Variants in MLLT10 observed in about 807,000 individuals in gnomAD.
MLLT10 encodes the protein protein AF-10.
In MLLT10, 30 loss-of-function variants were observed where a neutral mutation model predicts 129.1. The observed-to-expected ratio is 0.23, with a 90% CI of 0.17 to 0.32. The LOEUF is 0.32. Ranked by LOEUF, MLLT10 falls within the 10% of genes least tolerant of loss-of-function variation. MLLT10 has a pLI of 1.00. For missense variants in MLLT10, 1,119 were observed against 1,268.3 expected, an observed-to-expected ratio of 0.88 and a Z score of 1.79; for synonymous variants, 490 against 446.4, an observed-to-expected ratio of 1.10 and a Z score of -1.23.
At chr10:21,608,404 T>C (rs1022393633) in intron 5 of MLLT10, among the ~76,000 whole-genome samples, 2 of 152,082 alleles carry the variant, frequency 1.3e-5, no homozygotes, top group Admixed American at 6.6e-5. Context: ...GTTGAACTCC[T>C]GGGCTCAAGC....
intron 3 of MLLT10, among the ~76,000 whole-genome samples, chr10:21,556,123 G>A (rs1175768583): frequency 2.0e-5 from 3 of 151,856 alleles, no homozygotes; most frequent in Admixed American, 6.6e-5. Context: ...CTACAGGCAT[G>A]CGCCACCACA....
At chr10:21,663,878 C>G (rs1365679890) in intron 9 of MLLT10, among the ~76,000 whole-genome samples, 1 of 152,068 alleles carries the variant, frequency 6.6e-6, no homozygotes, top group East Asian at 1.9e-4. Context: ...GCAGTTTGCC[C>G]TGTGACCTCT....
intron 9 of MLLT10, among the ~76,000 whole-genome samples, chr10:21,660,162 TTC>T (rs2050020824): frequency 6.6e-6 from 1 of 151,758 alleles, no homozygotes; most frequent in Admixed American, 6.6e-5. Context: ...AGAGATAAGT[TTC>T]GCATGTTGCC....
intron 8 of MLLT10, among the ~76,000 whole-genome samples, chr10:21,617,467 C>T (rs2045375165): frequency 1.3e-5 from 2 of 152,130 alleles, no homozygotes; most frequent in African/African-American, 4.8e-5. Context: ...TTACTGTGGT[C>T]ATCTTGCGAA....
intron 5 of MLLT10, among the ~76,000 whole-genome samples, chr10:21,609,453 G>C (rs1191259964): frequency 6.6e-6 from 1 of 152,170 alleles, no homozygotes; most frequent in Non-Finnish European, 1.5e-5. Flanking sequence ...TTGTACTGTA[G>C]CCCCCTGAGC....
rs1384572393 is a variant in MLLT10 at position 21,740,228 on chromosome 10, A to C, written c.3154A>C (p.Lys1052Gln). Residue 1052 changes from lysine (K) to glutamine (Q), a missense_variant, in exon 22 of 23, where the codon AAA becomes CAA. By Grantham distance (53) the Lys-to-Gln change is moderately conservative (BLOSUM62 1). This residue lies in a region of MLLT10 where 1,004 missense variants were observed against 1,008.7 expected (regional missense o/e 1.00). Coordinates refer to ENST00000307729, the MANE Select transcript of MLLT10 (RefSeq NM_001195626.3). ...CATCCATGGAGATAATGCAAGTCAG[A>C]AAGTAGCAGTAAGTATATTTTCCTT... ...LTIHGDNASQ[K>Q]VARLSDKTGP... The C allele has an allele frequency of 1.2e-6, 2 of 1,613,904 alleles. No individual in the cohort carries two copies. The highest frequency in any genetic ancestry group is 2.7e-5 in the African/African-American group (2 of 74,926).
intron 3 of MLLT10, 21 bp downstream of exon 3, chr10:21,538,933 A>G (rs1045568425): frequency 1.3e-6 from 2 of 1,580,070 alleles, no homozygotes; most frequent in African/African-American, 1.3e-5. Context: ...TTTATCAAAA[A>G]CATTAAACTT....
chr10:21,590,896 T>TA (rs774703918), intron 4 of MLLT10, among the ~76,000 whole-genome samples: 1 of 152,200 alleles, frequency 6.6e-6, no homozygotes, highest in Non-Finnish European at 1.5e-5. Flanking sequence ...TCCTAGTACT[T>TA]ACTATGTGTT....
intron 3 of MLLT10, among the ~76,000 whole-genome samples, chr10:21,579,666 G>A (rs1341181553): frequency 6.6e-6 from 1 of 151,410 alleles, no homozygotes; most frequent in East Asian, 1.9e-4. Context: ...GGGTTCAAGT[G>A]ATTCTCCTGC....
At chr10:21,739,147 C>T (rs2058627488) in intron 21 of MLLT10, among the ~76,000 whole-genome samples, 1 of 152,180 alleles carries the variant, frequency 6.6e-6, no homozygotes, top group Non-Finnish European at 1.5e-5. Context: ...TGTGCCACTT[C>T]TCAAAACCTT....
chr10:21,658,948 G>T (rs571305973), intron 9 of MLLT10, among the ~76,000 whole-genome samples: 1 of 152,262 alleles, frequency 6.6e-6, no homozygotes, highest in Admixed American at 6.5e-5. Flanking sequence ...TTACAGGCAT[G>T]AGCCACCGTG....
chr10:21,716,507 A>G (rs2056569240), intron 14 of MLLT10, among the ~76,000 whole-genome samples: 1 of 152,104 alleles, frequency 6.6e-6, no homozygotes, highest in African/African-American at 2.4e-5. Flanking sequence ...AGCCTGGCCA[A>G]CATGGCGAAA....
At chr10:21,541,151 C>T (rs1488566806) in intron 3 of MLLT10, 1 of 152,094 alleles carries the variant, frequency 6.6e-6, no homozygotes, top group Non-Finnish European at 1.5e-5. Context: ...CAGAGCGAGA[C>T]TCGTCTCACA....
intron 3 of MLLT10, among the ~76,000 whole-genome samples, chr10:21,554,791 C>T (rs1588900100): frequency 6.6e-6 from 1 of 150,786 alleles, no homozygotes; most frequent in Admixed American, 6.6e-5. Flanking sequence ...GATGGTTATA[C>T]TAATTTCTTC....
intron 3 of MLLT10, among the ~76,000 whole-genome samples, chr10:21,568,777 C>T (rs1304852660): frequency 3.9e-5 from 6 of 152,152 alleles, no homozygotes; most frequent in Non-Finnish European, 5.9e-5. Flanking sequence ...GCTGCGGTTA[C>T]AGGAGCCTGC....
At chr10:21,549,438 C>T (rs2036617553) in intron 3 of MLLT10, among the ~76,000 whole-genome samples, 1 of 151,988 alleles carries the variant, frequency 6.6e-6, no homozygotes, top group Admixed American at 6.6e-5. Context: ...AAGCAAAAGG[C>T]ATTTTGAAGC....
rs1162390936 is a variant in MLLT10 at position 21,673,784 on chromosome 10, T to C, written c.1486T>C (p.Ser496Pro). Reference sequence around the variant, plus strand: ...AGAGAATGTTTCTCATCTCTCAGTTTCTTCTGCTTCACCAACATCATCTGT... The same window carrying C: ...AGAGAATGTTTCTCATCTCTCAGTTCCTTCTGCTTCACCAACATCATCTGT... ...NQENVSHLSV[S>P]SASPTSSVAS... is the part of the protein sequence containing the mutation. The change falls in exon 11 of 23, where the codon TCT (serine) becomes CCT (proline). Residue 496 changes from serine to proline, a missense_variant. Transcript: ENST00000307729. 2 of 1,614,172 alleles carry C rather than the reference T, an allele frequency of 1.2e-6. No individual in the cohort carries two copies. Among genetic ancestry groups the C allele is most frequent in the Admixed American group, 3.3e-5 (2 of 60,020 alleles).
At chr10:21,651,631 ATAGT>A in intron 8 of MLLT10, 38 bp from the exon 9 acceptor site, 1 of 1,387,764 alleles carries the variant, frequency 7.2e-7, no homozygotes, top group Non-Finnish European at 1.0e-6. Flanking sequence ...ATATGGGGTT[ATAGT>A]TAAATTAAAA....
intron 3 of MLLT10, among the ~76,000 whole-genome samples, chr10:21,568,453 G>A (rs1409138439): frequency 6.6e-6 from 1 of 152,004 alleles, no homozygotes; most frequent in Non-Finnish European, 1.5e-5. Context: ...ATTGACTTCT[G>A]CTCTGATCTT....
Sources: allele counts gnomAD v4.1 joint callset (sites outside exome capture counted in the v4.1 genomes callset), GRCh38; gene constraint gnomAD v4.1.1; regional missense constraint gnomAD v4.1.1; transcripts MANE v1.5; gene names NCBI Gene and HGNC (gene_info 2026-07-23, HGNC 2026-07-21).